Variants in BTBD9 observed in about 807,000 individuals in gnomAD.
BTBD9 encodes BTB domain containing 9.
In BTBD9, 49 loss-of-function variants were observed where a neutral mutation model predicts 64.3. The observed-to-expected ratio is 0.76, with a 90% CI of 0.61 to 0.97. The LOEUF is 0.97. Among genes scored for constraint, BTBD9 ranks in the 50% least tolerant of loss-of-function variants. The pLI, the probability that BTBD9 is intolerant of heterozygous loss-of-function variation, is 0.00. For synonymous variants in BTBD9, 260 were observed against 274.7 expected, an observed-to-expected ratio of 0.95 and a Z score of 0.53; for missense variants, 598 against 762.1, an observed-to-expected ratio of 0.78 and a Z score of 2.53.
chr6:38,280,169 C>T (rs1761456040), intron 8 of BTBD9, among the ~76,000 whole-genome samples: 1 of 152,188 alleles, frequency 6.6e-6, no homozygotes, highest in Non-Finnish European at 1.5e-5. Context: ...TTACCATGCC[C>T]CCAAACTATC....
At chr6:38,289,575 A>G (rs2127556233) in intron 7 of BTBD9, among the ~76,000 whole-genome samples, 1 of 152,298 alleles carries the variant, frequency 6.6e-6, no homozygotes, top group Admixed American at 6.5e-5. Context: ...AAACTCACAT[A>G]ATAGGAAAGT....
chr6:38,342,612 T>C (rs1482528499), intron 7 of BTBD9, among the ~76,000 whole-genome samples: 1 of 152,108 alleles, frequency 6.6e-6, no homozygotes, highest in Non-Finnish European at 1.5e-5. Context: ...TTTACTTTTT[T>C]TCCCCCAAGA....
intron 2 of BTBD9, among the ~76,000 whole-genome samples, chr6:38,595,165 C>T (rs1246214527): frequency 1.3e-5 from 2 of 152,184 alleles, no homozygotes; most frequent in African/African-American, 4.8e-5. Flanking sequence ...CAAATATTTA[C>T]ATGTTTATGC....
chr6:38,330,881 G>A (rs1034773888), intron 7 of BTBD9, among the ~76,000 whole-genome samples: 6 of 152,130 alleles, frequency 3.9e-5, no homozygotes, highest in African/African-American at 1.2e-4. Context: ...CAAAAGAAAT[G>A]TTAAATGGAG....
At position 38,454,401 on chromosome 6, in the gene BTBD9, T is replaced by C. The variant is rs559877033; in HGVS notation, c.1155-109308A>G. Among the ~76,000 whole-genome samples the C allele has an allele frequency of 2.6e-5, 4 of 151,958 alleles. No individual in the cohort carries two copies. The East Asian group carries it at 7.7e-4, about 29-fold the overall frequency. On this transcript the variant is annotated intron_variant, in intron 6 of 10. Transcript: ENST00000481247. ...TTAAGAAAATTCAAATTTAAAGACATCTTTTCACAGTGGTTTTTAAGAAGC... is the reference window on the plus strand; with the variant it reads ...TTAAGAAAATTCAAATTTAAAGACACCTTTTCACAGTGGTTTTTAAGAAGC...
chr6:38,475,041 C>T (rs1354840156), intron 6 of BTBD9, among the ~76,000 whole-genome samples: 1 of 151,936 alleles, frequency 6.6e-6, no homozygotes, highest in Non-Finnish European at 1.5e-5. Context: ...CACTATACAC[C>T]CCTCGAAAAT....
At chr6:38,332,432 C>T (rs1241505341) in intron 7 of BTBD9, among the ~76,000 whole-genome samples, 1 of 152,178 alleles carries the variant, frequency 6.6e-6, no homozygotes, top group African/African-American at 2.4e-5. Flanking sequence ...TGTGAGATGT[C>T]ACCTTTATCT....
chr6:38,580,360 CA>C lies in BTBD9; in HGVS notation c.891del (p.Asp297GlufsTer30). 6.2e-7 allele frequency: 1 copy of C among 1,614,168 alleles called. No homozygotes were observed. Among genetic ancestry groups the C allele is most frequent in the South Asian group, 1.1e-5 (1 of 91,084 alleles). On this transcript the variant is annotated frameshift_variant, in exon 5 of 11. Coordinates refer to ENST00000481247, the MANE Select transcript of BTBD9 (RefSeq NM_001099272.2). LOFTEE classifies it high-confidence loss of function. ...VKGELKSALL[D>X]GDTQNYDLDH... ...TCCAAATCATAATTTTGAGTATCAC[CA>C]TCTAATAAGGCTGATTTCAGCTCCC...
At chr6:38,515,237 CCCACCTACT>C (rs1404786176) in intron 6 of BTBD9, among the ~76,000 whole-genome samples, 2 of 152,304 alleles carry the variant, frequency 1.3e-5, no homozygotes, top group East Asian at 3.9e-4. Context: ...AGCAATTCCT[CCCACCTACT>C]CTTAAAGAGC....
chr6:38,468,440 C>T (rs984817153), intron 6 of BTBD9, among the ~76,000 whole-genome samples: 4 of 152,200 alleles, frequency 2.6e-5, no homozygotes, highest in Non-Finnish European at 5.9e-5. Flanking sequence ...AAATACATTT[C>T]TCTGCCTCTT....
chr6:38,219,238 A>G (rs2050161), intron 9 of BTBD9, among the ~76,000 whole-genome samples: 121,368 of 147,904 alleles, frequency 0.82, 49,919 homozygotes, highest in East Asian at 0.97. Flanking sequence ...GGGTTCAAAC[A>G]ATTCCCCCAC....
intron 6 of BTBD9, among the ~76,000 whole-genome samples, chr6:38,554,741 TA>T (rs568164833): frequency 2.5e-4 from 38 of 149,874 alleles, no homozygotes; most frequent in South Asian, 6.3e-4. Flanking sequence ...CTCTAAGACT[TA>T]AAAAAAAAAT....
chr6:38,472,564 T>C (rs1199200956), intron 6 of BTBD9, among the ~76,000 whole-genome samples: 1 of 152,182 alleles, frequency 6.6e-6, no homozygotes, highest in Non-Finnish European at 1.5e-5. Flanking sequence ...AGATTTGCCA[T>C]ACTAGTATGT....
chr6:38,445,286 CT>C (rs1769222307), intron 6 of BTBD9, among the ~76,000 whole-genome samples: 1 of 152,212 alleles, frequency 6.6e-6, no homozygotes, highest in Admixed American at 6.5e-5. Flanking sequence ...CAGGCTATTA[CT>C]TTCTTAATCA....
intron 6 of BTBD9, among the ~76,000 whole-genome samples, chr6:38,356,779 T>C (rs1235427071): frequency 6.6e-6 from 1 of 152,200 alleles, no homozygotes; most frequent in East Asian, 1.9e-4. Flanking sequence ...AGGAAAACCC[T>C]ACTTTTAGAT....
At chr6:38,305,545 C>T (rs1291434929) in intron 7 of BTBD9, among the ~76,000 whole-genome samples, 7 of 152,164 alleles carry the variant, frequency 4.6e-5, no homozygotes, top group Non-Finnish European at 8.8e-5. Context: ...TGCAGTGGCA[C>T]GGTCTCAACT....
chr6:38,486,869 CA>C (rs1165600661), intron 6 of BTBD9, among the ~76,000 whole-genome samples: 1 of 152,172 alleles, frequency 6.6e-6, no homozygotes, highest in Non-Finnish European at 1.5e-5. Flanking sequence ...ACAGTATCTG[CA>C]AAGTGTAACA....
At chr6:38,497,285 AC>A (rs1453981167) in intron 6 of BTBD9, among the ~76,000 whole-genome samples, 1 of 152,180 alleles carries the variant, frequency 6.6e-6, no homozygotes, top group Non-Finnish European at 1.5e-5. Flanking sequence ...CCCACCTCCC[AC>A]TGCTGTCACA....
intron 8 of BTBD9, among the ~76,000 whole-genome samples, chr6:38,264,417 T>G (rs1582133601): frequency 6.6e-6 from 1 of 151,630 alleles, no homozygotes; most frequent in Admixed American, 6.6e-5. Flanking sequence ...GGGAGAGAGG[T>G]AAGGAGTTGT....
Sources: allele counts gnomAD v4.1 joint callset (sites outside exome capture counted in the v4.1 genomes callset), GRCh38; gene constraint gnomAD v4.1.1; transcripts MANE v1.5; gene names NCBI Gene and HGNC (gene_info 2026-07-23, HGNC 2026-07-21).